Variants in ART3 observed in about 807,000 individuals in gnomAD.
ART3 encodes the protein ecto-ADP-ribosyltransferase 3.
A neutral mutation model predicts 48.5 loss-of-function variants in ART3; 49 were observed. That is an observed-to-expected ratio of 1.01 (90% confidence interval 0.80 to 1.28). The LOEUF is 1.28. Ranked by LOEUF, ART3 falls within the 50% of genes most tolerant of loss-of-function variation. The pLI is 0.00. For synonymous variants in ART3, 145 were observed against 157.2 expected (o/e 0.92, Z 0.58); for missense variants, 438 against 454.3 (o/e 0.96, Z 0.33).
chr4:76,020,249 C>G (rs1732670845), intron 1 of ART3, among the ~76,000 whole-genome samples: 1 of 151,928 alleles, frequency 6.6e-6, no homozygotes, highest in Non-Finnish European at 1.5e-5. Context: ...GCCTCAGCCT[C>G]CTGAGTAGCT....
intron 1 of ART3, among the ~76,000 whole-genome samples, chr4:76,048,419 C>T (rs1735720359): frequency 6.6e-6 from 1 of 151,706 alleles, no homozygotes; most frequent in Non-Finnish European, 1.5e-5. Context: ...TCAAATTGGT[C>T]CCAATGGCTT....
At chr4:76,037,947 A>G (rs6532116) in intron 1 of ART3, among the ~76,000 whole-genome samples, 48,299 of 152,068 alleles carry the variant, frequency 0.32, 8,774 homozygotes, top group African/African-American at 0.47. Context: ...TCTTGAAATT[A>G]TATATTTATT....
At chr4:76,039,303 T>C (rs529207254) in intron 1 of ART3, among the ~76,000 whole-genome samples, 1 of 152,314 alleles carries the variant, frequency 6.6e-6, no homozygotes, top group Non-Finnish European at 1.5e-5. Context: ...TTTTACCATG[T>C]TGGCCAGGCT....
chr4:76,018,613 C>T (rs927820427), intron 1 of ART3, among the ~76,000 whole-genome samples: 30 of 152,118 alleles, frequency 2.0e-4, no homozygotes, highest in African/African-American at 7.2e-4. Context: ...AAAAAAAATT[C>T]AAGAAGTATT....
intron 4 of ART3, among the ~76,000 whole-genome samples, chr4:76,098,406 A>G (rs976083269): frequency 4.6e-5 from 7 of 152,188 alleles, no homozygotes; most frequent in Middle Eastern, 3.2e-3. Flanking sequence ...AAACATACCA[A>G]AGGTATCAGA....
chr4:76,035,320 T>A (rs758044155), intron 1 of ART3: 3 of 1,614,028 alleles, frequency 1.9e-6, no homozygotes. Flanking sequence ...AAAGACAGCG[T>A]CCTCTTTTGA....
intron 2 of ART3, among the ~76,000 whole-genome samples, chr4:76,077,004 G>T (rs954679991): frequency 7.9e-5 from 12 of 151,788 alleles, no homozygotes; most frequent in Non-Finnish European, 1.8e-4. Flanking sequence ...TGTTTCCTGT[G>T]TCGCAGTATG....
intron 1 of ART3, among the ~76,000 whole-genome samples, chr4:76,060,952 A>G (rs914238343): frequency 1.3e-5 from 2 of 152,228 alleles, no homozygotes; most frequent in Non-Finnish European, 2.9e-5. Flanking sequence ...TTAGACTCTC[A>G]GAAAGTAACT....
At position 76,067,664 on chromosome 4, in the gene ART3, C is replaced by T. The variant is rs943880144; in HGVS notation, c.-9-8217C>T. On this transcript the variant is annotated intron_variant, in intron 1 of 9. Transcript: ENST00000341029. ...GAAATCAACGTAGTTCACAAACCCC[C>T]ATGTAAAACACTAATCTTGTCAGTT... Among the ~76,000 whole-genome samples, 6 of 152,298 alleles carry T rather than the reference C, an allele frequency of 3.9e-5. No individual in the cohort carries two copies. The South Asian group carries it at 1.2e-3, about 32-fold the overall frequency.
At chr4:76,101,304 G>A (rs950936739) in intron 8 of ART3, among the ~76,000 whole-genome samples, 1 of 152,150 alleles carries the variant, frequency 6.6e-6, no homozygotes, top group Non-Finnish European at 1.5e-5. Context: ...CTAGGATATT[G>A]GGCAGGGCAT....
chr4:76,078,456 G>A (rs75049385), intron 2 of ART3, among the ~76,000 whole-genome samples: 20,807 of 152,084 alleles, frequency 0.14, 1,582 homozygotes, highest in East Asian at 0.34. Flanking sequence ...TCTGTGCTGT[G>A]GAGGAAAGTG....
At chr4:76,050,186 A>AG (rs980454323) in intron 1 of ART3, among the ~76,000 whole-genome samples, 2 of 152,104 alleles carry the variant, frequency 1.3e-5, no homozygotes, top group African/African-American at 4.8e-5. Flanking sequence ...ACAGTGTGGA[A>AG]GGGGACCTGA....
At chr4:76,091,862 T>C (rs998535747) in intron 3 of ART3, among the ~76,000 whole-genome samples, 1 of 152,086 alleles carries the variant, frequency 6.6e-6, no homozygotes, top group African/African-American at 2.4e-5. Flanking sequence ...TTTGTATTTT[T>C]AGTAGAGACA....
chr4:76,027,528 T>C (rs2149387575), intron 1 of ART3, among the ~76,000 whole-genome samples: 1 of 141,720 alleles, frequency 7.1e-6, no homozygotes, highest in Admixed American at 7.2e-5. Flanking sequence ...GGTAGACTCA[T>C]AGGGGTGATA....
rs550091630 is a variant in ART3 at position 76,082,416 on chromosome 4, G to A, written c.662G>A (p.Arg221Lys). ...AATTTTCTTGATAAAGAAAGTGAAA[G>A]AATTACTTTAATACCTCTGAATGAG... ...IENFLDKESERITLIPLNEVF... is the reference protein window; with the variant it reads ...IENFLDKESEKITLIPLNEVF... Residue 221 changes from arginine (R) to lysine (K), a missense_variant, in exon 3 of 12, where the codon AGA (arginine) becomes AAA (lysine). Around this residue, in one of 3 missense-constraint regions of ART3, gnomAD observed 227 missense variants for 229.6 expected, o/e 0.99. Transcript: ENST00000355810. 6.2e-7 allele frequency: 1 copy of A among 1,614,030 alleles called. No homozygotes were observed. Among genetic ancestry groups the A allele is most frequent in the East Asian group, 2.2e-5 (1 of 44,890 alleles).
chr4:76,106,738 C>G (rs1189538507), intron 10 of ART3, among the ~76,000 whole-genome samples: 1 of 152,138 alleles, frequency 6.6e-6, no homozygotes. Flanking sequence ...GAGACTTCCC[C>G]CCCACCTCCC....
intron 2 of ART3, among the ~76,000 whole-genome samples, chr4:76,078,973 G>C (rs1178422385): frequency 3.3e-5 from 5 of 152,036 alleles, no homozygotes; most frequent in Admixed American, 6.6e-5. Flanking sequence ...CCCAGCTACT[G>C]GGGAGGCTGA....
At chr4:76,055,948 A>G (rs931948944) in intron 1 of ART3, among the ~76,000 whole-genome samples, 16 of 152,350 alleles carry the variant, frequency 1.1e-4, no homozygotes, top group African/African-American at 3.8e-4. Context: ...TGATGAACAG[A>G]ATCTCTGATC....
At chr4:76,044,937 A>T (rs778940171) in intron 1 of ART3, among the ~76,000 whole-genome samples, 1 of 151,900 alleles carries the variant, frequency 6.6e-6, no homozygotes, top group African/African-American at 2.4e-5. Context: ...GAGGTTAGGA[A>T]CTCCCATTCT....
Sources: gnomAD v4.1 joint callset for allele counts (sites outside exome capture counted in the v4.1 genomes callset) on GRCh38, gnomAD v4.1.1 for gene constraint, gnomAD v4.1.1 regional missense constraint, MANE v1.5 for transcripts, NCBI Gene and HGNC (gene_info 2026-07-23, HGNC 2026-07-21) for gene names.